Variants in GUCY1A2 observed in about 807,000 individuals in gnomAD.
GUCY1A2 encodes guanylate cyclase 1 soluble subunit alpha 2.
Under a neutral mutation model 63.5 loss-of-function variants are expected in GUCY1A2, and 27 were observed. The observed-to-expected ratio is 0.43, with a 90% CI of 0.31 to 0.59. The LOEUF (loss-of-function observed/expected upper bound fraction) is 0.59. Ranked by LOEUF, GUCY1A2 falls within the 20% of genes least tolerant of loss-of-function variation. The pLI, the probability that GUCY1A2 is intolerant of heterozygous loss-of-function variation, is 0.11. For missense variants in GUCY1A2, 768 were observed against 913.3 expected, an observed-to-expected ratio of 0.84 and a Z score of 2.05; for synonymous variants, 364 against 343.5, an observed-to-expected ratio of 1.06 and a Z score of -0.66.
At chr11:106,920,972 T>C (rs184230512) in intron 4 of GUCY1A2, among the ~76,000 whole-genome samples, 1 of 152,222 alleles carries the variant, frequency 6.6e-6, no homozygotes, top group East Asian at 1.9e-4. Flanking sequence ...CAGAATCCTA[T>C]GATGAACCTC....
At chr11:106,780,075 T>C (rs964616) in intron 5 of GUCY1A2, among the ~76,000 whole-genome samples, 146,061 of 152,206 alleles carry the variant, frequency 0.96, 70,144 homozygotes, top group East Asian at 0.99. Flanking sequence ...TACTTGGAAT[T>C]GCTAGAGCCC....
chr11:106,977,913 A>C (rs1238013840), intron 3 of GUCY1A2, among the ~76,000 whole-genome samples: 1 of 149,952 alleles, frequency 6.7e-6, no homozygotes, highest in African/African-American at 2.4e-5. Context: ...TCTGTAAGAC[A>C]TTAGGAAAAA....
chr11:106,943,401 CT>C (rs1860777067), intron 3 of GUCY1A2, among the ~76,000 whole-genome samples: 1 of 152,168 alleles, frequency 6.6e-6, no homozygotes. Context: ...AACAAAGCTG[CT>C]CTTATTAATG....
chr11:106,844,510 T>C (rs555920921), intron 4 of GUCY1A2, among the ~76,000 whole-genome samples: 1 of 151,702 alleles, frequency 6.6e-6, no homozygotes, highest in Non-Finnish European at 1.5e-5. Flanking sequence ...CTGACAAAGT[T>C]GGGTTTATTA....
At chr11:106,928,487 GA>G (rs1251506401) in intron 4 of GUCY1A2, among the ~76,000 whole-genome samples, 219 of 134,492 alleles carry the variant, frequency 1.6e-3, no homozygotes, top group South Asian at 0.016. Context: ...TATCTCCAAG[GA>G]AAAAAAAAAA....
chr11:106,753,848 G>C (rs1339845710), intron 6 of GUCY1A2, among the ~76,000 whole-genome samples: 1 of 151,078 alleles, frequency 6.6e-6, no homozygotes, highest in South Asian at 2.1e-4. Flanking sequence ...GCTCTTTTTT[G>C]GTTCCATATG....
chr11:106,789,442 C>G (rs755947801), intron 5 of GUCY1A2, among the ~76,000 whole-genome samples: 5 of 152,172 alleles, frequency 3.3e-5, no homozygotes, highest in Non-Finnish European at 7.3e-5. Context: ...TTTCAGTTCT[C>G]TGTCTGAAAG....
rs746261199 is a variant in GUCY1A2, at chr11:107,017,896, C to A, written c.160G>T (p.Ala54Ser). 3 of 1,248,696 alleles carry A rather than the reference C, an allele frequency of 2.4e-6. No homozygotes were observed. Among genetic ancestry groups the A allele is most frequent in the Non-Finnish European group, 3.0e-6 (3 of 993,778 alleles). 77.4% of individuals were successfully genotyped at this position (1,248,696 alleles called of 1,614,324 possible). ...GTCGGGGCCGGGGCGGCGGCAGCGG[C>A]AGCTGCGGCCGGGCTGGGCTCCAGC... is the stretch of plus-strand genomic sequence containing the variant. The part of the protein sequence containing the change: ...GPLEPSPAAA[A>S]AAAAPAPTPA... Residue 54 changes from alanine to serine, a missense_variant, in exon 1 of 8, where the codon GCC (alanine) becomes TCC (serine). Around this residue, in one of 3 missense-constraint regions of GUCY1A2, gnomAD observed 496 missense variants for 486.9 expected, o/e 1.02. Transcript: ENST00000526355.
intron 4 of GUCY1A2, among the ~76,000 whole-genome samples, chr11:106,894,521 T>A (rs1170858117): frequency 6.6e-6 from 1 of 152,172 alleles, no homozygotes; most frequent in Non-Finnish European, 1.5e-5. Flanking sequence ...TCACATGGAA[T>A]GTTCACCAAG....
At chr11:106,883,134 A>G (rs1010685806) in intron 4 of GUCY1A2, among the ~76,000 whole-genome samples, 1 of 152,050 alleles carries the variant, frequency 6.6e-6, no homozygotes, top group Admixed American at 6.6e-5. Context: ...AAATAACACT[A>G]CTGAACCACT....
At chr11:106,867,297 G>C (rs141474484) in intron 4 of GUCY1A2, among the ~76,000 whole-genome samples, 9 of 152,048 alleles carry the variant, frequency 5.9e-5, no homozygotes, top group African/African-American at 1.9e-4. Flanking sequence ...TCAGCCTGCT[G>C]TCACAATCTC....
At position 106,746,501 on chromosome 11, in the gene GUCY1A2, G is replaced by A. The variant is rs745943787; in HGVS notation, c.1836+29938C>T. 4.4e-6 allele frequency: 4 copies of A among 916,666 alleles called. No homozygotes were observed. The African/African-American group carries it at 4.9e-5, about 11-fold the overall frequency. 56.8% of individuals were successfully genotyped at this position (916,666 alleles called of 1,614,324 possible). On this transcript the variant is annotated intron_variant, in intron 6 of 7. Transcript: ENST00000526355. ...CAAGGAAGTAAGTAATAACCAATAT[G>A]CATAGCTGTATCCTCTGTTTTCCTT... is the stretch of plus-strand genomic sequence containing the variant.
chr11:106,945,264 A>G (rs1235199198), intron 3 of GUCY1A2, among the ~76,000 whole-genome samples: 1 of 152,164 alleles, frequency 6.6e-6, no homozygotes, highest in Non-Finnish European at 1.5e-5. Flanking sequence ...AGATGATGAG[A>G]GAAAAATACA....
At chr11:106,879,959 C>A (rs1192367981) in intron 4 of GUCY1A2, among the ~76,000 whole-genome samples, 2 of 152,018 alleles carry the variant, frequency 1.3e-5, no homozygotes, top group Non-Finnish European at 2.9e-5. Context: ...ATGGCAGATG[C>A]ACCTGACAGC....
chr11:106,918,127 G>A (rs1356703516), intron 4 of GUCY1A2, among the ~76,000 whole-genome samples: 1 of 144,260 alleles, frequency 6.9e-6, no homozygotes, highest in African/African-American at 2.5e-5. Flanking sequence ...GCCCCTGTTT[G>A]CATGCCCAGC....
chr11:106,972,022 GAAAC>G (rs1436112156), intron 3 of GUCY1A2, among the ~76,000 whole-genome samples: 3 of 152,042 alleles, frequency 2.0e-5, no homozygotes, highest in Non-Finnish European at 4.4e-5. Context: ...AAGCAAACAG[GAAAC>G]AAACAAAAGA....
At chr11:106,987,091 A>G (rs1861411400) in intron 1 of GUCY1A2, among the ~76,000 whole-genome samples, 1 of 152,194 alleles carries the variant, frequency 6.6e-6, no homozygotes, top group Non-Finnish European at 1.5e-5. Context: ...TTTAAATAAC[A>G]AAAACCTGTA....
chr11:106,787,369 C>T (rs1591276866), intron 5 of GUCY1A2, among the ~76,000 whole-genome samples: 1 of 146,462 alleles, frequency 6.8e-6, no homozygotes, highest in African/African-American at 2.5e-5. Context: ...CAATTTTTTA[C>T]ATTTTAGTTT....
At chr11:106,900,935 G>A (rs1449414378) in intron 4 of GUCY1A2, among the ~76,000 whole-genome samples, 1 of 152,220 alleles carries the variant, frequency 6.6e-6, no homozygotes, top group Non-Finnish European at 1.5e-5. Context: ...TCAGAGGGTT[G>A]TTGCTGAAGG....
Sources: allele counts gnomAD v4.1 joint callset (sites outside exome capture counted in the v4.1 genomes callset), GRCh38; gene constraint gnomAD v4.1.1; regional missense constraint gnomAD v4.1.1; transcripts MANE v1.5; gene names NCBI Gene and HGNC (gene_info 2026-07-23, HGNC 2026-07-21).